ZNF385D: variants seen among roughly 807,000 people sequenced by gnomAD.
ZNF385D encodes the protein zinc finger protein 659.
A neutral mutation model predicts 35.8 loss-of-function variants in ZNF385D; 15 were observed. The ratio of observed to expected loss-of-function variants is 0.42; its 90% confidence interval spans 0.28 to 0.64. The LOEUF is 0.64. ZNF385D is among the 30% of genes least tolerant of loss of function. The probability of loss-of-function intolerance (pLI) is 0.23; values close to 1 mark genes in which losing one functional copy is unlikely to be tolerated. For missense variants in ZNF385D, 474 were observed against 494.6 expected, an observed-to-expected ratio of 0.96 and a Z score of 0.39; for synonymous variants, 212 against 186.8, an observed-to-expected ratio of 1.13 and a Z score of -1.10.
chr3:21,915,584 T>A (rs7635489), intron 3 of ZNF385D, among the ~76,000 whole-genome samples: 81,033 of 151,652 alleles, frequency 0.53, 23,686 homozygotes, highest in South Asian at 0.66. Flanking sequence ...CGGTAAAGCA[T>A]CTGGTTCATT....
intron 3 of ZNF385D, among the ~76,000 whole-genome samples, chr3:21,945,165 T>TAC (rs1701717916): frequency 6.6e-6 from 1 of 150,652 alleles, no homozygotes; most frequent in Non-Finnish European, 1.5e-5. Context: ...TACACACACA[T>TAC]ATATATATAG....
At chr3:22,168,497 T>C (rs189050958) in intron 3 of ZNF385D, 18 of 152,316 alleles carry the variant, frequency 1.2e-4, no homozygotes, top group African/African-American at 4.3e-4. Context: ...AAAAACCCAC[T>C]GTCCTATACA....
intron 2 of ZNF385D, among the ~76,000 whole-genome samples, chr3:21,586,549 G>T (rs1294737926): frequency 6.6e-6 from 1 of 152,106 alleles, no homozygotes; most frequent in Non-Finnish European, 1.5e-5. Flanking sequence ...ATATAGTAAA[G>T]AACTGAAAAC....
chr3:21,451,066 T>C (rs1202225023), intron 4 of ZNF385D, among the ~76,000 whole-genome samples: 1 of 152,140 alleles, frequency 6.6e-6, no homozygotes, highest in South Asian at 2.1e-4. Context: ...ATGTCTTATT[T>C]CCCCTTTTAA....
Position 22,332,740 on chromosome 3 carries a change from A to G in ZNF385D, c.106+39710T>C, listed in dbSNP as rs147141331. 2.2e-3 allele frequency among the ~76,000 whole-genome samples: 340 copies of G among 152,290 alleles called. 8 individuals are homozygous for G. In the South Asian group the frequency reaches 0.027, roughly 12 times the overall value. ...AGCAAGTGGCTATACAATGAAAACA[A>G]TGAGAAAAACCATTATCCTGTGAAA... On this transcript the variant is annotated intron_variant, in intron 2 of 5. Coordinates refer to the ZNF385D transcript ENST00000494108.
At chr3:21,524,178 AAAACACCTAAGTAAAATGTG>A (rs1454910684) in intron 3 of ZNF385D, among the ~76,000 whole-genome samples, 1 of 152,182 alleles carries the variant, frequency 6.6e-6, no homozygotes, top group Non-Finnish European at 1.5e-5. Context: ...ATGATCCTTA[AAAACACCTAAGTAAAATGTG>A]GGCTCTGCAG....
intron 1 of ZNF385D, among the ~76,000 whole-genome samples, chr3:21,674,458 T>C (rs2066663191): frequency 6.6e-6 from 1 of 152,122 alleles, no homozygotes; most frequent in South Asian, 2.1e-4. Context: ...AAACTCACTT[T>C]TGGAATGTCA....
intron 3 of ZNF385D, among the ~76,000 whole-genome samples, chr3:22,068,469 C>T (rs983847388): frequency 6.6e-6 from 1 of 152,152 alleles, no homozygotes; most frequent in Non-Finnish European, 1.5e-5. Context: ...TACTCCCCCA[C>T]ACCCCATTTC....
chr3:21,941,598 C>T (rs1055441158), intron 3 of ZNF385D, among the ~76,000 whole-genome samples: 2 of 150,364 alleles, frequency 1.3e-5, no homozygotes, highest in South Asian at 4.2e-4. Context: ...CCCGGGTTCA[C>T]GCCATTCTCC....
At position 22,286,957 on chromosome 3, in the gene ZNF385D, A is replaced by G. The variant is rs761183521; in HGVS notation, c.106+85493T>C. ...AATTTTCTGTGAGGATAATCTAACC[A>G]TTGCTGAAAGTAGGATGTTGATCCC... On this transcript the variant is annotated intron_variant, in intron 2 of 5. Transcript: ENST00000494108. Among the ~76,000 whole-genome samples, 15 of 152,188 alleles carry G rather than the reference A, an allele frequency of 9.9e-5. No individual in the cohort carries two copies. The South Asian group carries it at 2.3e-3, about 23-fold the overall frequency.
intron 2 of ZNF385D, among the ~76,000 whole-genome samples, chr3:22,247,863 A>C (rs1051516578): frequency 2.6e-5 from 4 of 152,066 alleles, no homozygotes; most frequent in African/African-American, 9.7e-5. Context: ...TCGGCCTCCC[A>C]AAGTCCTGGG....
Position 21,510,907 on chromosome 3 carries a change from G to A in ZNF385D, c.393C>T (p.Phe131=). 1 of 1,614,126 alleles carries A rather than the reference G, an allele frequency of 6.2e-7. No individual in the cohort carries two copies. The highest frequency in any genetic ancestry group is 8.5e-7 in the Non-Finnish European group (1 of 1,179,982). Residue 131 remains phenylalanine (F), a synonymous_variant, in exon 4 of 8, where the codon TTC becomes TTT. Transcript: ENST00000281523. ...VTAKDSAKTT[F]TSITTNTINT... ...TGATGGTATTGGTAGTGATGGAGGT[G>A]AAGGTAGTCTTTGCGCTGTCCTTGG...
At chr3:21,446,739 C>A (rs541535029) in intron 4 of ZNF385D, among the ~76,000 whole-genome samples, 85 of 152,068 alleles carry the variant, frequency 5.6e-4, no homozygotes, top group African/African-American at 2.0e-3. Context: ...GTGATCCGCC[C>A]TCCTCAGCCT....
At chr3:22,198,997 G>A (rs966438893) in intron 2 of ZNF385D, among the ~76,000 whole-genome samples, 1 of 151,968 alleles carries the variant, frequency 6.6e-6, no homozygotes, top group African/African-American at 2.4e-5. Context: ...ATCTACTACT[G>A]TTTAATAAGT....
chr3:21,849,436 AT>A (rs1298414079), intron 3 of ZNF385D, among the ~76,000 whole-genome samples: 1 of 152,032 alleles, frequency 6.6e-6, no homozygotes, highest in Admixed American at 6.6e-5. Context: ...AATATTCCAC[AT>A]GTCCTTTCTC....
chr3:22,202,024 C>T (rs951017517), intron 2 of ZNF385D, among the ~76,000 whole-genome samples: 1 of 151,948 alleles, frequency 6.6e-6, no homozygotes, highest in African/African-American at 2.4e-5. Context: ...CTATTGGTGG[C>T]TTTTGCACCT....
At chr3:21,895,407 A>C (rs1699083044) in intron 3 of ZNF385D, among the ~76,000 whole-genome samples, 1 of 142,248 alleles carries the variant, frequency 7.0e-6, no homozygotes, top group Non-Finnish European at 1.5e-5. Flanking sequence ...GGCTCACTGC[A>C]ACGTCTGCCT....
At chr3:21,508,819 A>G (rs868610774) in intron 4 of ZNF385D, among the ~76,000 whole-genome samples, 1 of 152,174 alleles carries the variant, frequency 6.6e-6, no homozygotes, top group South Asian at 2.1e-4. Flanking sequence ...CTGGGCAGCC[A>G]TTCTCCAACT....
At chr3:22,208,363 A>C (rs1395689028) in intron 2 of ZNF385D, among the ~76,000 whole-genome samples, 2 of 151,542 alleles carry the variant, frequency 1.3e-5, no homozygotes, top group Non-Finnish European at 2.9e-5. Flanking sequence ...TCATGTTCTC[A>C]TTTATTTGTG....
Sources: allele counts gnomAD v4.1 joint callset (sites outside exome capture counted in the v4.1 genomes callset), GRCh38; gene constraint gnomAD v4.1.1; transcripts MANE v1.5; gene names NCBI Gene and HGNC (gene_info 2026-07-23, HGNC 2026-07-21).